Variants in CHKA observed in about 807,000 individuals in gnomAD.
CHKA encodes CHETK-alpha.
CHKA carries 34 observed loss-of-function variants against 60.1 expected under a neutral mutation model. The observed-to-expected ratio is 0.57, with a 90% confidence interval of 0.43 to 0.75. The LOEUF is 0.75. Ranked by LOEUF, CHKA falls within the 30% of genes least tolerant of loss-of-function variation. CHKA has a pLI of 0.00. For missense variants in CHKA, 563 were observed against 561.3 expected (o/e 1.00, Z -0.03); for synonymous variants, 217 against 223.1 (o/e 0.97, Z 0.24).
In CHKA at chr11:68,081,568, G is replaced by A. The variant is rs1856989418; in HGVS notation, c.463-111C>T. On this transcript the variant is annotated intron_variant, in intron 2 of 11. Coordinates refer to ENST00000265689, the MANE Select transcript of CHKA (RefSeq NM_001277.3). ...TTTACAAAACATCACAGGTCTTTAA[G>A]GAAGGTTTCTCAGCCCACCGATGTG... 13 of 841,406 alleles carry A rather than the reference G, an allele frequency of 1.5e-5. 1 individual carries two copies. The South Asian group carries it at 1.6e-4, about 11-fold the overall frequency. The allele number at this position is 841,406 out of a possible 1,614,324, so 52.1% of individuals were successfully genotyped here.
intron 3 of CHKA, among the ~76,000 whole-genome samples, chr11:68,078,273 C>A (rs572664930): frequency 6.6e-6 from 1 of 152,278 alleles, no homozygotes; most frequent in East Asian, 1.9e-4. Flanking sequence ...TTTCATGCCC[C>A]ACTAGAGGTT....
At chr11:68,056,452 C>T (rs998924699) in intron 11 of CHKA, among the ~76,000 whole-genome samples, 1 of 152,202 alleles carries the variant, frequency 6.6e-6, no homozygotes, top group African/African-American at 2.4e-5. Context: ...AGAACCTGGT[C>T]AGGTCTTGCT....
intron 1 of CHKA, among the ~76,000 whole-genome samples, chr11:68,102,639 G>A (rs1857769677): frequency 6.6e-6 from 1 of 152,094 alleles, no homozygotes; most frequent in Non-Finnish European, 1.5e-5. Flanking sequence ...ACCTTGGTCT[G>A]AGCCAGGAAT....
intron 3 of CHKA, 53 bp from the exon 4 acceptor site, chr11:68,074,883 G>C (rs1590847112): frequency 3.9e-6 from 6 of 1,544,808 alleles, no homozygotes; most frequent in South Asian, 1.1e-5. Context: ...CTAAGCGCCA[G>C]GCATCAGAAG....
In CHKA at chr11:68,061,915, G is replaced by A. The variant is rs767293195; in HGVS notation, c.1314+38C>T. The A allele has an allele frequency of 5.9e-6, 8 of 1,361,874 alleles. 1 individual carries two copies. The South Asian group carries it at 1.1e-4, about 18-fold the overall frequency. The allele number at this position is 1,361,874 out of a possible 1,614,324, so 84.4% of individuals were successfully genotyped here. On this transcript the variant is annotated intron_variant, in intron 11 of 11. Transcript: ENST00000265689. Reference sequence around the variant, plus strand: ...ACTATAGCATTTTTACCTGGGAGTAGGAAGAAAAAAAAAAACAAAAACGCT... The same window carrying A: ...ACTATAGCATTTTTACCTGGGAGTAAGAAGAAAAAAAAAAACAAAAACGCT...
intron 1 of CHKA, among the ~76,000 whole-genome samples, chr11:68,100,308 G>C (rs2153025243): frequency 6.6e-6 from 1 of 152,264 alleles, no homozygotes; most frequent in Admixed American, 6.5e-5. Flanking sequence ...GAGAGGCATG[G>C]GCTGGATGTG....
chr11:68,109,055 G>A (rs919819710), intron 1 of CHKA, among the ~76,000 whole-genome samples: 3 of 151,784 alleles, frequency 2.0e-5, no homozygotes, highest in Non-Finnish European at 4.4e-5. Context: ...AGCAGAGGGA[G>A]GGGCAAAGAA....
intron 1 of CHKA, among the ~76,000 whole-genome samples, chr11:68,102,545 T>C (rs1383267333): frequency 2.0e-5 from 3 of 152,100 alleles, no homozygotes; most frequent in African/African-American, 7.2e-5. Flanking sequence ...TATACAAAAA[T>C]AAACTCCAAA....
At chr11:68,079,780 G>C (rs1856916681) in intron 3 of CHKA, among the ~76,000 whole-genome samples, 1 of 152,232 alleles carries the variant, frequency 6.6e-6, no homozygotes, top group Admixed American at 6.5e-5. Flanking sequence ...AGACATCCGA[G>C]GAGAGACTGC....
chr11:68,074,217 T>G (rs1291489653), intron 4 of CHKA, among the ~76,000 whole-genome samples: 1 of 152,178 alleles, frequency 6.6e-6, no homozygotes, highest in African/African-American at 2.4e-5. Flanking sequence ...CTGCAAGGTC[T>G]TGGAGCAAGG....
chr11:68,120,511 C>A (rs1219531162), intron 1 of CHKA, among the ~76,000 whole-genome samples: 1 of 152,244 alleles, frequency 6.6e-6, no homozygotes, highest in East Asian at 1.9e-4. Flanking sequence ...CTATCTTAAG[C>A]GTCAGTACCA....
In CHKA at chr11:68,053,815, T is replaced by C. The variant is rs185909625; in HGVS notation, c.*173A>G. ...TCCTAGTGAAATCGTAAACAAGAGA[T>C]GAAATAAACGTCGCTCCATTTTAAT... On this transcript the variant is annotated 3_prime_UTR_variant, in exon 12 of 12. Coordinates refer to ENST00000265689, the MANE Select transcript of CHKA (RefSeq NM_001277.3). The C allele has an allele frequency of 5.6e-4, 295 of 523,534 alleles. 1 individual carries two copies. The highest frequency in any genetic ancestry group is 8.7e-4 in the Non-Finnish European group (252 of 290,666). The allele number at this position is 523,534 out of a possible 1,614,324, so 32.4% of individuals were successfully genotyped here.
intron 1 of CHKA, among the ~76,000 whole-genome samples, chr11:68,099,409 T>C (rs1340821017): frequency 6.6e-6 from 1 of 152,226 alleles, no homozygotes; most frequent in Non-Finnish European, 1.5e-5. Context: ...AAGTAAGACA[T>C]ATTTAAGAGG....
At chr11:68,108,466 T>C (rs1475423065) in intron 1 of CHKA, among the ~76,000 whole-genome samples, 1 of 152,216 alleles carries the variant, frequency 6.6e-6, no homozygotes, top group African/African-American at 2.4e-5. Context: ...ATAAGGTGGC[T>C]GGGCGCAGAG....
chr11:68,092,930 T>A (rs967786293), intron 2 of CHKA, among the ~76,000 whole-genome samples: 1 of 152,024 alleles, frequency 6.6e-6, no homozygotes, highest in Non-Finnish European at 1.5e-5. Flanking sequence ...TTGTTGTCTA[T>A]GTCAACTGTC....
chr11:68,060,467 T>C (rs780467752), intron 11 of CHKA, among the ~76,000 whole-genome samples: 9 of 152,150 alleles, frequency 5.9e-5, no homozygotes, highest in Non-Finnish European at 1.2e-4. Context: ...TGTGCCACCA[T>C]GCCCAGCTAA....
chr11:68,056,384 T>C (rs1156376954), intron 11 of CHKA, among the ~76,000 whole-genome samples: 1 of 152,164 alleles, frequency 6.6e-6, no homozygotes, highest in Non-Finnish European at 1.5e-5. Flanking sequence ...AGACTCTTAT[T>C]CCAGAGGGGG....
chr11:68,065,747 G>A, intron 9 of CHKA, 39 bp downstream of exon 9: 1 of 1,305,862 alleles, frequency 7.7e-7, no homozygotes, highest in South Asian at 1.2e-5. Flanking sequence ...AAATTGACAT[G>A]TAATTTTCCT....
At chr11:68,106,009 G>A (rs762389275) in intron 1 of CHKA, among the ~76,000 whole-genome samples, 3 of 152,130 alleles carry the variant, frequency 2.0e-5, no homozygotes, top group Non-Finnish European at 4.4e-5. Context: ...CCATAGGGCT[G>A]GCTACATGGA....
Sources: allele counts gnomAD v4.1 joint callset (sites outside exome capture counted in the v4.1 genomes callset), GRCh38; gene constraint gnomAD v4.1.1; transcripts MANE v1.5; gene names NCBI Gene and HGNC (gene_info 2026-07-23, HGNC 2026-07-21).